ATP2A2: variants seen among roughly 807,000 people sequenced by gnomAD.
ATP2A2 encodes sarcoplasmic/endoplasmic reticulum calcium ATPase 2.
ATP2A2 carries 14 observed loss-of-function variants against 109.3 expected under a neutral mutation model. The observed-to-expected ratio is 0.13, with a 90% CI of 0.08 to 0.20. The LOEUF (loss-of-function observed/expected upper bound fraction) is 0.20. Among genes scored for constraint, ATP2A2 ranks in the 10% least tolerant of loss-of-function variants. The pLI, the probability that ATP2A2 is intolerant of heterozygous loss-of-function variation, is 1.00. For synonymous variants in ATP2A2, 506 were observed against 490.9 expected (o/e 1.03, Z -0.41); for missense variants, 657 against 1,321.6 (o/e 0.50, Z 7.80).
chr12:110,298,707 C>T (rs1874228359), intron 5 of ATP2A2, among the ~76,000 whole-genome samples: 2 of 152,120 alleles, frequency 1.3e-5, no homozygotes, highest in African/African-American at 4.8e-5. Flanking sequence ...GACAGAGCCC[C>T]AGACTCCATC....
chr12:110,317,366 T>C (rs1249034117), intron 5 of ATP2A2, among the ~76,000 whole-genome samples: 1 of 152,134 alleles, frequency 6.6e-6, no homozygotes, highest in East Asian at 1.9e-4. Context: ...ATAATACAAT[T>C]GATTAATAAA....
At chr12:110,288,101 C>CTTTTTTT (rs71083111) in intron 3 of ATP2A2, among the ~76,000 whole-genome samples, 8 of 87,310 alleles carry the variant, frequency 9.2e-5, no homozygotes, top group African/African-American at 2.1e-4. Flanking sequence ...ATGCTTTGCC[C>CTTTTTTT]TTTTTTTTTT....
intron 5 of ATP2A2, among the ~76,000 whole-genome samples, chr12:110,312,098 G>A (rs1302287895): frequency 6.6e-6 from 1 of 152,110 alleles, no homozygotes; most frequent in Non-Finnish European, 1.5e-5. Context: ...AGGATCAGTT[G>A]AGCCTGGGAG....
chr12:110,342,539 C>T lies in ATP2A2; in HGVS notation c.2318+91C>T. 1 of 1,419,284 alleles carries T rather than the reference C, an allele frequency of 7.0e-7. No homozygotes were observed. The highest frequency in any genetic ancestry group is 9.8e-7 in the Non-Finnish European group (1 of 1,023,952). 87.9% of individuals were successfully genotyped at this position (1,419,284 alleles called of 1,614,324 possible). A position where few individuals can be genotyped will look rare whatever the true frequency, so the allele number is the denominator to read the frequency against. ...TCGCAGTTTGCTCTCCAGATTGCAG[C>T]AGCTTTGGTCTTTGTGCCTGAGTTG... On this transcript the variant is annotated intron_variant, in intron 15 of 19. Coordinates refer to ENST00000539276, the MANE Select transcript of ATP2A2 (RefSeq NM_170665.4). The surrounding 1 kb of genome is among the most constrained non-coding windows in gnomAD (Gnocchi z 4.6).
chr12:110,299,039 G>A (rs536508731), intron 5 of ATP2A2, among the ~76,000 whole-genome samples: 2 of 152,160 alleles, frequency 1.3e-5, no homozygotes, highest in South Asian at 4.2e-4. Flanking sequence ...GCACCATCAC[G>A]GCTCACTGCA....
intron 11 of ATP2A2, 181 bp downstream of exon 11, chr12:110,334,324 A>G (rs575571324): frequency 1.2e-6 from 1 of 809,590 alleles, no homozygotes; most frequent in African/African-American, 1.7e-5. Flanking sequence ...TTGACCAGGA[A>G]AATAAAAGCA....
intron 5 of ATP2A2, among the ~76,000 whole-genome samples, chr12:110,301,938 T>C (rs994082912): frequency 1.3e-5 from 2 of 152,192 alleles, no homozygotes; most frequent in African/African-American, 4.8e-5. Flanking sequence ...ACTGATCTTA[T>C]GGTGGTGAAG....
At chr12:110,283,437 C>T (rs1292211426) in intron 3 of ATP2A2, among the ~76,000 whole-genome samples, 1 of 152,206 alleles carries the variant, frequency 6.6e-6, no homozygotes, top group Non-Finnish European at 1.5e-5. Context: ...TTTTCTTGTT[C>T]TGTGTGTGCT....
Position 110,346,694 on chromosome 12 carries a change from T to A in ATP2A2, c.*224T>A. 2 of 1,405,340 alleles carry A rather than the reference T, an allele frequency of 1.4e-6. No homozygotes were observed. Among genetic ancestry groups the A allele is most frequent in the Non-Finnish European group, 1.8e-6 (2 of 1,083,794 alleles). The allele number at this position is 1,405,340 out of a possible 1,614,324, so 87.1% of individuals were successfully genotyped here. A position where few individuals can be genotyped will look rare whatever the true frequency, so the allele number is the denominator to read the frequency against. ...ATTGACATGTACAGAGAACTAACAC[T>A]ATTTTATGCAAATATTTTTTTGTAG... On this transcript the variant is annotated 3_prime_UTR_variant, in exon 20 of 20. Transcript: ENST00000539276.
intron 6 of ATP2A2, among the ~76,000 whole-genome samples, chr12:110,324,846 A>T (rs1287590798): frequency 8.6e-5 from 12 of 139,932 alleles, no homozygotes; most frequent in East Asian, 2.1e-4. Context: ...TTTTTTTTTT[A>T]AAGACAGAGT....
chr12:110,311,622 A>AAAAAAAAG (rs1876073126), intron 5 of ATP2A2, among the ~76,000 whole-genome samples: 1 of 141,018 alleles, frequency 7.1e-6, no homozygotes, highest in African/African-American at 2.6e-5. Context: ...AAAAAAAAAA[A>AAAAAAAAG]CGCTGGGATT....
In ATP2A2 at chr12:110,346,983, G is replaced by T; in HGVS notation, c.*513G>T. ...TGCTACCTCAGTCAGTATTGTTTTG[G>T]TTTGCTACTTCCCTCACCCACTTTG... On this transcript the variant is annotated 3_prime_UTR_variant, in exon 20 of 20. Transcript: ENST00000539276. 1 of 1,099,320 alleles carries T rather than the reference G, an allele frequency of 9.1e-7. No homozygotes were observed. 68.1% of individuals were successfully genotyped at this position (1,099,320 alleles called of 1,614,324 possible). A position where few individuals can be genotyped will look rare whatever the true frequency, so the allele number is the denominator to read the frequency against.
intron 4 of ATP2A2, among the ~76,000 whole-genome samples, chr12:110,295,564 A>C (rs1873879307): frequency 6.6e-6 from 1 of 152,190 alleles, no homozygotes; most frequent in Non-Finnish European, 1.5e-5. Context: ...AAGGGTAAGA[A>C]TGTCTGATAT....
At chr12:110,317,365 T>C (rs1056105688) in intron 5 of ATP2A2, among the ~76,000 whole-genome samples, 2 of 152,148 alleles carry the variant, frequency 1.3e-5, no homozygotes, top group Non-Finnish European at 2.9e-5. Flanking sequence ...CATAATACAA[T>C]TGATTAATAA....
chr12:110,299,311 A>G (rs931292391), intron 5 of ATP2A2, among the ~76,000 whole-genome samples: 5 of 152,102 alleles, frequency 3.3e-5, no homozygotes, highest in African/African-American at 1.2e-4. Flanking sequence ...GAATTAGGGA[A>G]TTCTGATGGT....
At position 110,343,421 on chromosome 12, in the gene ATP2A2, C is replaced by T; in HGVS notation, c.2508C>T (p.Tyr836=). The T allele has an allele frequency of 2.5e-6, 4 of 1,614,214 alleles. No individual in the cohort carries two copies. The highest frequency in any genetic ancestry group is 3.4e-6 in the Non-Finnish European group (4 of 1,180,026). Residue 836 remains tyrosine (Y), a synonymous_variant, in exon 16 of 20, where the codon TAC becomes TAT. Transcript: ENST00000539276. The stretch of plus-strand genomic sequence containing the variant: ...TCAGCGGGTGGCTCTTTTTCCGTTA[C>T]TTGGCTATTGGCTGTGAGTACAATT... ...PLISGWLFFR[Y]LAIGCYVGAA...
chr12:110,299,159 G>A (rs956877583), intron 5 of ATP2A2, among the ~76,000 whole-genome samples: 1 of 152,082 alleles, frequency 6.6e-6, no homozygotes, highest in African/African-American at 2.4e-5. Context: ...TTTTTGTAGA[G>A]ATGGGTCTTG....
intron 3 of ATP2A2, among the ~76,000 whole-genome samples, chr12:110,286,697 A>C (rs1043429417): frequency 6.8e-6 from 1 of 146,690 alleles, no homozygotes; most frequent in Non-Finnish European, 1.5e-5. Flanking sequence ...TTTCCTCTTT[A>C]TTTAAAAAAA....
At position 110,326,516 on chromosome 12, in the gene ATP2A2, C is replaced by T. The variant is rs748302089; in HGVS notation, c.630+41C>T. ...AATGTGTTTTTATTTACAGACATTTCCAAAGCCTAATCAAATGTTATGTTT... is the reference window on the plus strand; with the variant it reads ...AATGTGTTTTTATTTACAGACATTTTCAAAGCCTAATCAAATGTTATGTTT... On this transcript the variant is annotated intron_variant, in intron 7 of 19. Coordinates refer to ENST00000539276, the MANE Select transcript of ATP2A2 (RefSeq NM_170665.4). 3 of 1,522,328 alleles carry T rather than the reference C, an allele frequency of 2.0e-6. No individual in the cohort carries two copies. The South Asian group carries it at 3.5e-5, about 18-fold the overall frequency. 94.3% of individuals were successfully genotyped at this position (1,522,328 alleles called of 1,614,324 possible). A position where few individuals can be genotyped will look rare whatever the true frequency, so the allele number is the denominator to read the frequency against.
Sources: allele counts gnomAD v4.1 joint callset (sites outside exome capture counted in the v4.1 genomes callset), GRCh38; gene constraint gnomAD v4.1.1; non-coding constraint Gnocchi (gnomAD v3.1); transcripts MANE v1.5; gene names NCBI Gene and HGNC (gene_info 2026-07-23, HGNC 2026-07-21).